SERPINE2: variants seen among roughly 807,000 people sequenced by gnomAD.
SERPINE2 encodes the protein serpin family E member 2.
SERPINE2 carries 14 observed loss-of-function variants against 36.3 expected under a neutral mutation model. The observed-to-expected ratio is 0.39, with a 90% CI of 0.25 to 0.60. The LOEUF (loss-of-function observed/expected upper bound fraction) is 0.60, where lower values mean the gene tolerates loss of function less well. Ranked by LOEUF, SERPINE2 falls within the 20% of genes least tolerant of loss-of-function variation. The pLI is 0.57. For synonymous variants in SERPINE2, 192 were observed against 191.8 expected (o/e 1.00, Z -0.01); for missense variants, 418 against 499.6 (o/e 0.84, Z 1.56).
intron 3 of SERPINE2, 80 bp from the exon 4 acceptor site, chr2:223,992,080 A>C (rs1350922739): frequency 1.5e-5 from 18 of 1,184,638 alleles, no homozygotes; most frequent in Non-Finnish European, 1.9e-5. Context: ...AGCTGTCATC[A>C]GGTAGACTGA....
intron 1 of SERPINE2, among the ~76,000 whole-genome samples, chr2:224,005,065 T>TTATATATTTTATATATA (rs1553547022): frequency 3.0e-5 from 1 of 33,560 alleles, no homozygotes; most frequent in East Asian, 6.7e-4. Flanking sequence ...TTTATATATA[T>TTATATATTTTATATATA]TATATATATA....
chr2:223,984,701 C>T, intron 5 of SERPINE2, 51 bp downstream of exon 5: 1 of 1,557,536 alleles, frequency 6.4e-7, no homozygotes. Flanking sequence ...GACATAACAC[C>T]TGCTGATTGA....
At chr2:223,985,085 G>A (rs995378781) in intron 4 of SERPINE2, 135 bp from the exon 5 acceptor site, 25 of 675,762 alleles carry the variant, frequency 3.7e-5, no homozygotes, top group Non-Finnish European at 6.3e-5. Flanking sequence ...AGCTTCCTTA[G>A]AAGGACAAAG....
chr2:224,028,912 T>C (rs1429824176), intron 1 of SERPINE2, among the ~76,000 whole-genome samples: 2 of 152,182 alleles, frequency 1.3e-5, no homozygotes, highest in Non-Finnish European at 2.9e-5. Flanking sequence ...AAGCACAATT[T>C]TGCCACTGTA....
At chr2:223,990,030 AC>A (rs1464556625) in intron 4 of SERPINE2, among the ~76,000 whole-genome samples, 2 of 152,074 alleles carry the variant, frequency 1.3e-5, no homozygotes, top group African/African-American at 4.8e-5. Flanking sequence ...TCTTGGGCAC[AC>A]CCCCTGGCAG....
At chr2:223,979,137 C>A (rs1171393842) in intron 7 of SERPINE2, 1 of 152,190 alleles carries the variant, frequency 6.6e-6, no homozygotes, top group Non-Finnish European at 1.5e-5. Context: ...CCCAGGCGGA[C>A]TAAGACAGGA....
intron 1 of SERPINE2, among the ~76,000 whole-genome samples, chr2:224,025,926 C>T (rs1692165386): frequency 6.6e-6 from 1 of 152,240 alleles, no homozygotes; most frequent in South Asian, 2.1e-4. Context: ...GCTAGCTCTT[C>T]AGGAAACCCA....
chr2:224,002,389 C>T (rs575469890), intron 1 of SERPINE2, among the ~76,000 whole-genome samples: 1 of 152,162 alleles, frequency 6.6e-6, no homozygotes, highest in Admixed American at 6.5e-5. Flanking sequence ...TCAAAACACA[C>T]CCTGGGGAGG....
chr2:223,998,100 A>T lies in SERPINE2; in HGVS notation c.487+15T>A. ...CACAAACTATGCAATCAAATGACATACTGCGGCCACTCACCCCTGGTTTCA... is the reference window on the plus strand; with the variant it reads ...CACAAACTATGCAATCAAATGACATTCTGCGGCCACTCACCCCTGGTTTCA... On this transcript the variant is annotated intron_variant, in intron 3 of 8. Transcript: ENST00000409304. 6.3e-7 allele frequency: 1 copy of T among 1,591,654 alleles called. No individual in the cohort carries two copies. The highest frequency in any genetic ancestry group is 8.6e-7 in the Non-Finnish European group (1 of 1,159,774).
chr2:223,985,209 T>C, intron 4 of SERPINE2: 1 of 484,258 alleles, frequency 2.1e-6, no homozygotes, highest in Non-Finnish European at 3.7e-6. Flanking sequence ...AGAATTTAAC[T>C]AAATCACAAA....
At chr2:224,031,450 T>C in intron 1 of SERPINE2, 1 of 985,688 alleles carries the variant, frequency 1.0e-6, no homozygotes. Flanking sequence ...CACGGTCCTC[T>C]CCACTCCCTT....
intron 1 of SERPINE2, among the ~76,000 whole-genome samples, chr2:224,035,992 C>CA (rs58116674): frequency 1.3e-4 from 19 of 151,364 alleles, no homozygotes; most frequent in South Asian, 1.0e-3. Flanking sequence ...GAACCACTGC[C>CA]AAAAAAAAAC....
chr2:224,005,388 G>A (rs1691386179), intron 1 of SERPINE2, among the ~76,000 whole-genome samples: 1 of 152,000 alleles, frequency 6.6e-6, no homozygotes, highest in Non-Finnish European at 1.5e-5. Context: ...TGGAATCAGA[G>A]CTATTTTTGA....
chr2:224,016,599 C>T (rs1336045672), intron 1 of SERPINE2, among the ~76,000 whole-genome samples: 1 of 151,774 alleles, frequency 6.6e-6, no homozygotes, highest in Non-Finnish European at 1.5e-5. Context: ...TAAACATGCA[C>T]TTAACTGTAT....
intron 1 of SERPINE2, among the ~76,000 whole-genome samples, chr2:224,016,399 G>A (rs564945697): frequency 2.6e-5 from 4 of 151,884 alleles, no homozygotes; most frequent in Non-Finnish European, 2.9e-5. Context: ...CCAGCTACTC[G>A]GGAGGCTGAA....
chr2:224,003,833 C>T (rs538528148), intron 1 of SERPINE2, among the ~76,000 whole-genome samples: 4 of 152,202 alleles, frequency 2.6e-5, no homozygotes, highest in East Asian at 3.9e-4. Flanking sequence ...TCTGTTGTTA[C>T]GTGTGGGAGG....
intron 1 of SERPINE2, among the ~76,000 whole-genome samples, chr2:224,032,515 C>G (rs748236094): frequency 6.6e-6 from 1 of 152,122 alleles, no homozygotes; most frequent in African/African-American, 2.4e-5. Flanking sequence ...GCACGGTTTA[C>G]AAAAACAAAG....
Position 224,011,658 on chromosome 2 carries a change from T to A in SERPINE2, c.-22-9736A>T, listed in dbSNP as rs185848314. Among the ~76,000 whole-genome samples the A allele has an allele frequency of 1.7e-3, 255 of 152,326 alleles. 1 individual carries two copies. The highest frequency in any genetic ancestry group is 5.7e-3 in the African/African-American group (238 of 41,568). On this transcript the variant is annotated intron_variant, in intron 1 of 8. Coordinates refer to ENST00000409304, the MANE Select transcript of SERPINE2 (RefSeq NM_001136528.2). ...GTGTTAGAAATGTAAATTGATTTTTTAAAAATCTTTTTTAAAGGCAATCCC... is the reference window on the plus strand; with the variant it reads ...GTGTTAGAAATGTAAATTGATTTTTAAAAAATCTTTTTTAAAGGCAATCCC...
chr2:224,035,334 G>A (rs1489849797), intron 1 of SERPINE2, among the ~76,000 whole-genome samples: 2 of 152,144 alleles, frequency 1.3e-5, no homozygotes, highest in East Asian at 3.8e-4. Flanking sequence ...CAGCAGCTGA[G>A]GTTTGCCACA....
Sources: gnomAD v4.1 joint callset for allele counts (sites outside exome capture counted in the v4.1 genomes callset) on GRCh38, gnomAD v4.1.1 for gene constraint, MANE v1.5 for transcripts, NCBI Gene and HGNC (gene_info 2026-07-23, HGNC 2026-07-21) for gene names.